REDIC1: variants seen among roughly 807,000 people sequenced by gnomAD.
REDIC1 encodes the protein regulator of DNA class I crossover intermediates 1, also known as HEI10 Interacting Protein 1.
the REDIC1 span, among the ~76,000 whole-genome samples, chr12:39,712,206 A>T: frequency 2.0e-4 from 2 of 9,872 alleles, no homozygotes; most frequent in African/African-American, 3.9e-4. Context: ...ACATATATAC[A>T]TATGTATATA....
chr12:39,817,038 A>G, the REDIC1 span, among the ~76,000 whole-genome samples: 1 of 150,022 alleles, frequency 6.7e-6, no homozygotes, highest in Non-Finnish European at 1.5e-5. Flanking sequence ...GCCTTGAGGG[A>G]AAAAAAAAAT....
the REDIC1 span, chr12:39,721,032 A>G: frequency 6.2e-7 from 1 of 1,613,778 alleles, no homozygotes; most frequent in South Asian, 1.1e-5. Flanking sequence ...TGCAAAACAA[A>G]ACCAATGATA....
chr12:39,846,629 T>C, the REDIC1 span, among the ~76,000 whole-genome samples: 1 of 152,142 alleles, frequency 6.6e-6, no homozygotes, highest in African/African-American at 2.4e-5. Flanking sequence ...TTTTTTGTAT[T>C]TTTGGAGAAA....
At chr12:39,720,817 C>A in the REDIC1 span, 1 of 1,611,360 alleles carries the variant, frequency 6.2e-7, no homozygotes, top group Non-Finnish European at 8.5e-7. Flanking sequence ...AATATCACAG[C>A]AAATTGAAGA....
chr12:39,891,362 A>G, the REDIC1 span, among the ~76,000 whole-genome samples: 2 of 151,814 alleles, frequency 1.3e-5, no homozygotes, highest in African/African-American at 4.8e-5. Context: ...TTCACTCCTC[A>G]TTGCCTATTC....
the REDIC1 span, among the ~76,000 whole-genome samples, chr12:39,712,094 A>G: frequency 8.4e-4 from 101 of 120,700 alleles, no homozygotes; most frequent in African/African-American, 3.0e-3. Flanking sequence ...ATATACATAC[A>G]TATATACCTG....
At chr12:39,690,830 A>G in the REDIC1 span, among the ~76,000 whole-genome samples, 1 of 152,140 alleles carries the variant, frequency 6.6e-6, no homozygotes, top group East Asian at 1.9e-4. Flanking sequence ...TGGAGGATGG[A>G]GGACATTTGT....
the REDIC1 span, among the ~76,000 whole-genome samples, chr12:39,820,329 G>T: frequency 2.0e-5 from 3 of 152,144 alleles, no homozygotes; most frequent in Non-Finnish European, 4.4e-5. Context: ...ACAGAGTTTT[G>T]TGTTATCACA....
At chr12:39,829,158 T>A in the REDIC1 span, among the ~76,000 whole-genome samples, 32 of 152,052 alleles carry the variant, frequency 2.1e-4, no homozygotes, top group African/African-American at 7.7e-4. Flanking sequence ...ACATTTTATA[T>A]GTCTGGATAT....
the REDIC1 span, among the ~76,000 whole-genome samples, chr12:39,889,894 T>C: frequency 4.6e-5 from 7 of 152,292 alleles, no homozygotes; most frequent in African/African-American, 1.7e-4. Flanking sequence ...TACAAAACTC[T>C]CTATAATCAT....
chr12:39,778,727 A>C, the REDIC1 span, among the ~76,000 whole-genome samples: 12 of 152,298 alleles, frequency 7.9e-5, no homozygotes, highest in Non-Finnish European at 1.3e-4. Flanking sequence ...ATGAGTATAC[A>C]TACATTGCCC....
At chr12:39,628,603 C>G in the REDIC1 span, among the ~76,000 whole-genome samples, 1 of 152,108 alleles carries the variant, frequency 6.6e-6, no homozygotes, top group African/African-American at 2.4e-5. Flanking sequence ...AATTCCAGAG[C>G]CTTCAACAGA....
the REDIC1 span, among the ~76,000 whole-genome samples, chr12:39,664,427 A>C: frequency 1.3e-5 from 2 of 152,160 alleles, no homozygotes; most frequent in Non-Finnish European, 2.9e-5. Context: ...ATGGCTGCAT[A>C]GTATTCCATG....
the REDIC1 span, among the ~76,000 whole-genome samples, chr12:39,653,834 A>G: frequency 6.6e-6 from 1 of 152,048 alleles, no homozygotes; most frequent in Non-Finnish European, 1.5e-5. Flanking sequence ...ACAGGTTGTG[A>G]AAGTTCTCTT....
At chr12:39,773,410 T>A in the REDIC1 span, among the ~76,000 whole-genome samples, 1 of 152,148 alleles carries the variant, frequency 6.6e-6, no homozygotes, top group East Asian at 1.9e-4. Context: ...CAGAACTCCC[T>A]TTAGTAATAA....
the REDIC1 span, among the ~76,000 whole-genome samples, chr12:39,739,152 T>C: frequency 6.6e-6 from 1 of 152,184 alleles, no homozygotes; most frequent in Non-Finnish European, 1.5e-5. Context: ...ACTTTATAGA[T>C]AAGATCATGG....
At chr12:39,653,903 C>G in the REDIC1 span, among the ~76,000 whole-genome samples, 2 of 147,210 alleles carry the variant, frequency 1.4e-5, no homozygotes, top group African/African-American at 5.1e-5. Flanking sequence ...CCTTCCATGT[C>G]TCTTGAAATT....
chr12:39,682,759 A>G, the REDIC1 span: 3 of 1,613,328 alleles, frequency 1.9e-6, no homozygotes, highest in Middle Eastern at 1.6e-4. Flanking sequence ...GGAAGTTTCA[A>G]ATTTTCTTGA....
the REDIC1 span, among the ~76,000 whole-genome samples, chr12:39,712,244 G>A: frequency 2.0e-4 from 27 of 136,766 alleles, 1 homozygote; most frequent in South Asian, 2.3e-4. Flanking sequence ...ATATGTATAT[G>A]TACATACATA....
Sources: allele counts gnomAD v4.1 joint callset (sites outside exome capture counted in the v4.1 genomes callset), GRCh38; gene constraint gnomAD v4.1.1; transcripts MANE v1.5; gene names NCBI Gene and HGNC (gene_info 2026-07-23, HGNC 2026-07-21).